Variants in NOX4 observed in about 807,000 individuals in gnomAD.
NOX4 encodes NADPH oxidase 4.
NOX4 carries 69 observed loss-of-function variants against 87.6 expected under a neutral mutation model. The observed-to-expected ratio is 0.79, with a 90% CI of 0.65 to 0.96. The LOEUF is 0.96. Ranked by LOEUF, NOX4 falls within the 40% of genes least tolerant of loss-of-function variation. NOX4 has a pLI of 0.00. For missense variants in NOX4, 680 were observed against 681.5 expected, an observed-to-expected ratio of 1.00 and a Z score of 0.02; for synonymous variants, 275 against 238.2, an observed-to-expected ratio of 1.15 and a Z score of -1.42.
chr11:89,389,214 T>C (rs1478460491), intron 11 of NOX4, among the ~76,000 whole-genome samples: 1 of 152,192 alleles, frequency 6.6e-6, no homozygotes, highest in Non-Finnish European at 1.5e-5. Flanking sequence ...AATCAGGATA[T>C]CCTTCTTGTG....
intron 13 of NOX4, among the ~76,000 whole-genome samples, chr11:89,352,370 C>T (rs777909943): frequency 1.3e-4 from 20 of 152,190 alleles, no homozygotes; most frequent in Non-Finnish European, 2.6e-4. Flanking sequence ...GCTAACATTA[C>T]ATCCATTTTG....
At chr11:89,564,740 G>GT in the NOX4 span, among the ~76,000 whole-genome samples, 3 of 124,994 alleles carry the variant, frequency 2.4e-5, no homozygotes, top group Non-Finnish European at 5.0e-5. Context: ...TGTTGTTGTT[G>GT]TTGTTTGTTT....
the NOX4 span, among the ~76,000 whole-genome samples, chr11:89,583,152 G>C: frequency 6.6e-6 from 1 of 151,866 alleles, no homozygotes; most frequent in Non-Finnish European, 1.5e-5. Context: ...AAAATGATCA[G>C]AAAATATGTA....
At position 89,451,849 on chromosome 11, in the gene NOX4, T is replaced by A; in HGVS notation, c.200A>T (p.Asn67Ile). Reference protein sequence around the residue: ...SRASASVLNLNCSLILLPMCR... With the variant: ...SRASASVLNLICSLILLPMCR... ...CATGGGTAAAAGGATAAGGCTGCAG[T>A]TGAGGTTAAGAACAGATGCTGAGGC... The change falls in exon 3 of 18, where the codon AAC becomes ATC. Residue 67 changes from asparagine (N) to isoleucine (I), a missense_variant. Physicochemically the swap from Asn to Ile is moderately radical, Grantham distance 149. Coordinates refer to ENST00000263317, the MANE Select transcript of NOX4 (RefSeq NM_016931.5). 1 of 1,613,454 alleles carries A rather than the reference T, an allele frequency of 6.2e-7. No individual in the cohort carries two copies. The highest frequency in any genetic ancestry group is 8.5e-7 in the Non-Finnish European group (1 of 1,179,550).
chr11:89,415,686 T>C (rs780745827), intron 8 of NOX4, among the ~76,000 whole-genome samples: 37 of 152,108 alleles, frequency 2.4e-4, no homozygotes, highest in Non-Finnish European at 3.4e-4. Context: ...TATGGAGCCA[T>C]GTTAAAAACC....
the NOX4 span, among the ~76,000 whole-genome samples, chr11:89,518,496 A>G: frequency 6.6e-6 from 1 of 152,080 alleles, no homozygotes; most frequent in African/African-American, 2.4e-5. Flanking sequence ...TATCGTAGTA[A>G]TTCCTATTTT....
In NOX4 at chr11:89,326,687, C is replaced by T. The variant is rs901969665; in HGVS notation, c.*69G>A. On this transcript the variant is annotated 3_prime_UTR_variant, in exon 18 of 18. Transcript: ENST00000263317. ...TTGGCATAACACAGCTGATTGATTC[C>T]GCTGAGTTTCAAAGTCTTAGAAATT... 2.7e-5 allele frequency: 38 copies of T among 1,398,440 alleles called. No homozygotes were observed. The highest frequency in any genetic ancestry group is 1.9e-4 in the African/African-American group (13 of 69,460). 86.6% of individuals were successfully genotyped at this position (1,398,440 alleles called of 1,614,324 possible). A position where few individuals can be genotyped will look rare whatever the true frequency, so the allele number is the denominator to read the frequency against.
intron 12 of NOX4, among the ~76,000 whole-genome samples, chr11:89,357,163 T>A (rs1197038339): frequency 6.6e-6 from 1 of 152,170 alleles, no homozygotes; most frequent in Non-Finnish European, 1.5e-5. Flanking sequence ...GTATATTTTA[T>A]CTTCATATTT....
At chr11:89,474,560 T>C (rs1478426693) in intron 2 of NOX4, among the ~76,000 whole-genome samples, 1 of 151,544 alleles carries the variant, frequency 6.6e-6, no homozygotes, top group Non-Finnish European at 1.5e-5. Context: ...TATGTAGTCA[T>C]TAAAGATAAA....
chr11:89,577,953 T>G, the NOX4 span, among the ~76,000 whole-genome samples: 1 of 152,136 alleles, frequency 6.6e-6, no homozygotes, highest in Non-Finnish European at 1.5e-5. Flanking sequence ...TAAAATTATA[T>G]ATTAATGCAC....
the NOX4 span, among the ~76,000 whole-genome samples, chr11:89,573,878 G>A: frequency 6.6e-6 from 1 of 152,024 alleles, no homozygotes; most frequent in Non-Finnish European, 1.5e-5. Flanking sequence ...CCCTCTTTAC[G>A]CTTGGGAAGT....
At chr11:89,467,349 C>CAA (rs71052233) in intron 2 of NOX4, among the ~76,000 whole-genome samples, 653 of 61,412 alleles carry the variant, frequency 0.011, 29 homozygotes, top group African/African-American at 0.022. Flanking sequence ...AAACTCGTCA[C>CAA]AAAAAAAAAA....
intron 7 of NOX4, among the ~76,000 whole-genome samples, chr11:89,429,129 A>G (rs1943626384): frequency 6.6e-6 from 1 of 152,220 alleles, no homozygotes; most frequent in African/African-American, 2.4e-5. Flanking sequence ...TAACAAAATG[A>G]AGGCAGAAAT....
the NOX4 span, among the ~76,000 whole-genome samples, chr11:89,565,725 A>AT: frequency 1.3e-5 from 2 of 150,544 alleles, no homozygotes; most frequent in African/African-American, 5.0e-5. Context: ...TTAAAGTATA[A>AT]TAAAAAAAAA....
intron 7 of NOX4, among the ~76,000 whole-genome samples, chr11:89,432,493 C>A (rs77181580): frequency 6.6e-6 from 1 of 151,850 alleles, no homozygotes; most frequent in African/African-American, 2.4e-5. Context: ...ATCCCGTGTC[C>A]CATAGAGATA....
chr11:89,417,356 G>A (rs1323518071), intron 8 of NOX4, among the ~76,000 whole-genome samples: 1 of 152,086 alleles, frequency 6.6e-6, no homozygotes, highest in Non-Finnish European at 1.5e-5. Context: ...TTTGGAAAGA[G>A]GAAATGGTTT....
At chr11:89,435,868 C>A (rs1171164200) in intron 6 of NOX4, among the ~76,000 whole-genome samples, 1 of 152,026 alleles carries the variant, frequency 6.6e-6, no homozygotes, top group East Asian at 1.9e-4. Context: ...TCTCTTTTAT[C>A]TAAAGAATTT....
chr11:89,515,318 G>A, the NOX4 span, among the ~76,000 whole-genome samples: 1 of 151,628 alleles, frequency 6.6e-6, no homozygotes, highest in Non-Finnish European at 1.5e-5. Flanking sequence ...TATTTATAAT[G>A]CTGAACATCT....
intron 4 of NOX4, among the ~76,000 whole-genome samples, chr11:89,447,070 A>G (rs1428587110): frequency 2.6e-5 from 4 of 152,104 alleles, no homozygotes; most frequent in Non-Finnish European, 4.4e-5. Flanking sequence ...AATTTTTAAG[A>G]GGAAAAAAAA....
Sources: allele counts gnomAD v4.1 joint callset (sites outside exome capture counted in the v4.1 genomes callset), GRCh38; gene constraint gnomAD v4.1.1; transcripts MANE v1.5; gene names NCBI Gene and HGNC (gene_info 2026-07-23, HGNC 2026-07-21).